The following RFTN1 variants were observed in gnomAD, a reference collection of about 807,000 sequenced individuals.
The protein encoded by RFTN1 is raftlin.
A neutral mutation model predicts 46.5 loss-of-function variants in RFTN1; 26 were observed. The observed-to-expected ratio is 0.56, with a 90% CI of 0.41 to 0.78. RFTN1 has a LOEUF of 0.78. RFTN1 is among the 30% of genes least tolerant of loss of function. The pLI is 0.00. For synonymous variants in RFTN1, 261 were observed against 284.2 expected (o/e 0.92, Z 0.82); for missense variants, 693 against 718.7 (o/e 0.96, Z 0.41).
intron 7 of RFTN1, among the ~76,000 whole-genome samples, chr3:16,354,126 C>T (rs1443719484): frequency 6.6e-6 from 1 of 152,146 alleles, no homozygotes; most frequent in African/African-American, 2.4e-5. Flanking sequence ...CCTTGGAGAA[C>T]AAAGATGAAT....
rs2124901664 is a variant in RFTN1 at position 16,449,478 on chromosome 3, T to A, written c.146-15441A>T. 6.6e-6 allele frequency among the ~76,000 whole-genome samples: 1 copy of A among 152,340 alleles called. No homozygotes were observed. The highest frequency in any genetic ancestry group is 2.1e-4 in the South Asian group (1 of 4,824). ...CATCAGGCTGCTATGAAGATTGAGA[T>A]AATGCACATAAAGTCCTAGAACTGC... On this transcript the variant is annotated intron_variant, in intron 2 of 9. Transcript: ENST00000334133. The surrounding 1 kb of genome is among the most constrained non-coding windows in gnomAD (Gnocchi z 5.1).
At chr3:16,357,320 G>A (rs759698033) in intron 7 of RFTN1, among the ~76,000 whole-genome samples, 14 of 152,136 alleles carry the variant, frequency 9.2e-5, no homozygotes, top group Non-Finnish European at 1.6e-4. Context: ...CTCCTCCAAA[G>A]TCCCAGCAGA....
rs1477292003 is a variant in RFTN1 at position 16,382,551 on chromosome 3, T to G, written c.442-4449A>C. Among the ~76,000 whole-genome samples the G allele has an allele frequency of 6.6e-6, 1 of 152,172 alleles. No individual in the cohort carries two copies. The highest frequency in any genetic ancestry group is 1.9e-4 in the East Asian group (1 of 5,198). Reference sequence around the variant, plus strand: ...GGTGACTTCCTCTACTCACATGGGTTTAGCTACAAATCAGATGTTCATTAT... The same window carrying G: ...GGTGACTTCCTCTACTCACATGGGTGTAGCTACAAATCAGATGTTCATTAT... On this transcript the variant is annotated intron_variant, in intron 4 of 9. Coordinates refer to ENST00000334133, the MANE Select transcript of RFTN1 (RefSeq NM_015150.2). The surrounding 1 kb of genome is among the most constrained non-coding windows in gnomAD (Gnocchi z 4.7).
At position 16,465,979 on chromosome 3, in the gene RFTN1, T is replaced by C. The variant is rs115138944; in HGVS notation, c.145+27746A>G. On this transcript the variant is annotated intron_variant, in intron 2 of 9. Coordinates refer to ENST00000334133, the MANE Select transcript of RFTN1 (RefSeq NM_015150.2). This position sits in a 1 kb window ranked among gnomAD's most constrained non-coding sequence, Gnocchi z 5.1. ...TTGTTTCTCTCAGCGCTTAGATTTC[T>C]CCAGAGGCAGAAAGGCAGAAGCAGA... 8.0e-3 allele frequency among the ~76,000 whole-genome samples: 1,225 copies of C among 152,320 alleles called. 19 individuals carry two copies. Among genetic ancestry groups the C allele is most frequent in the African/African-American group, 0.028 (1,158 of 41,566 alleles).
Position 16,377,867 on chromosome 3 carries a change from C to A in RFTN1, c.677G>T (p.Gly226Val). 6.2e-7 allele frequency: 1 copy of A among 1,614,212 alleles called. No homozygotes were observed. Among genetic ancestry groups the A allele is most frequent in the East Asian group, 2.2e-5 (1 of 44,878 alleles). Residue 226 changes from glycine (G) to valine (V), a missense_variant, in exon 5 of 10, where the codon GGC becomes GTC. By Grantham distance (109) the Gly-to-Val change is moderately radical (BLOSUM62 -3). Coordinates refer to ENST00000334133, the MANE Select transcript of RFTN1 (RefSeq NM_015150.2). Reference protein sequence around the residue: ...GRNQSPEPSSGPRGEVPLAKQ... With the variant: ...GRNQSPEPSSVPRGEVPLAKQ... ...GGCGAGGGGCACCTCCCCTCTGGGG[C>A]CTGAGCTGGGCTCTGGGCTTTGGTT... is the stretch of plus-strand genomic sequence containing the variant.
At chr3:16,399,921 T>C (rs6442600) in intron 4 of RFTN1, among the ~76,000 whole-genome samples, 92,556 of 152,012 alleles carry the variant, frequency 0.61, 28,873 homozygotes, top group African/African-American at 0.75. Flanking sequence ...TCTACATCTC[T>C]GTCAAGACGC....
rs1474147756 is a variant in RFTN1 at position 16,410,137 on chromosome 3, A to G, written c.333-654T>C. 6.6e-6 allele frequency among the ~76,000 whole-genome samples: 1 copy of G among 151,768 alleles called. No individual in the cohort carries two copies. Among genetic ancestry groups the G allele is most frequent in the Non-Finnish European group, 1.5e-5 (1 of 67,960 alleles). On this transcript the variant is annotated intron_variant, in intron 3 of 9. Coordinates refer to ENST00000334133, the MANE Select transcript of RFTN1 (RefSeq NM_015150.2). The surrounding 1 kb of genome is among the most constrained non-coding windows in gnomAD (Gnocchi z 4.6). ...ATATACATATCCACATCATAGTAAG[A>G]CCTCTAAGATGTAGCATCATGTAAA... is the stretch of plus-strand genomic sequence containing the variant.
chr3:16,411,172 G>A (rs773074101), intron 3 of RFTN1, among the ~76,000 whole-genome samples: 6 of 152,120 alleles, frequency 3.9e-5, no homozygotes, highest in Non-Finnish European at 5.9e-5. Context: ...TGTGAGAGCA[G>A]GACTGTCCAG....
intron 3 of RFTN1, chr3:16,416,157 G>A (rs944939433): frequency 2.2e-6 from 1 of 455,458 alleles, no homozygotes; most frequent in African/African-American, 2.0e-5. Context: ...CATTCCAAAG[G>A]AATTTTCTGA....
chr3:16,347,962 C>G (rs542689365), intron 7 of RFTN1: 1 of 152,250 alleles, frequency 6.6e-6, no homozygotes, highest in East Asian at 1.9e-4. Flanking sequence ...AGAAGCAGCC[C>G]AGGAAGGACA....
Position 16,377,938 on chromosome 3 carries a change from A to G in RFTN1, c.606T>C (p.Asn202=). Residue 202 remains asparagine (N), a synonymous_variant, in exon 5 of 10, where the codon AAT becomes AAC. Transcript: ENST00000334133. ...NARGDHASLE[N]EKPGTGDVCS... ...ACACATCCCCAGTCCCCGGTTTCTC[A>G]TTCTCCAGTGACGCGTGATCCCCAC... is the stretch of plus-strand genomic sequence containing the variant. The G allele has an allele frequency of 1.2e-6, 2 of 1,613,886 alleles. No homozygotes were observed. Among genetic ancestry groups the G allele is most frequent in the Non-Finnish European group, 1.7e-6 (2 of 1,179,840 alleles).
intron 2 of RFTN1, among the ~76,000 whole-genome samples, chr3:16,486,573 G>A (rs1326571218): frequency 6.6e-6 from 1 of 152,086 alleles, no homozygotes; most frequent in East Asian, 1.9e-4. Flanking sequence ...TCTTTTGCCT[G>A]ACTAACAGCC....
chr3:16,408,014 G>A (rs1482126070), intron 4 of RFTN1, among the ~76,000 whole-genome samples: 9 of 152,046 alleles, frequency 5.9e-5, no homozygotes, highest in Non-Finnish European at 1.2e-4. Flanking sequence ...TCCTTTAAAG[G>A]GACAGCCTAA....
intron 5 of RFTN1, among the ~76,000 whole-genome samples, chr3:16,377,166 G>A (rs1011100222): frequency 6.6e-6 from 1 of 151,944 alleles, no homozygotes; most frequent in East Asian, 1.9e-4. Flanking sequence ...TAAGGGCCTC[G>A]GCAAATCTTG....
chr3:16,389,483 T>C (rs1559316361), intron 4 of RFTN1, among the ~76,000 whole-genome samples: 1 of 68,060 alleles, frequency 1.5e-5, no homozygotes, highest in African/African-American at 8.6e-5. Flanking sequence ...AAATAGGAGA[T>C]GGGTTTTTTT....
At chr3:16,350,473 C>G (rs1286647663) in intron 7 of RFTN1, among the ~76,000 whole-genome samples, 1 of 149,604 alleles carries the variant, frequency 6.7e-6, no homozygotes, top group Non-Finnish European at 1.5e-5. Flanking sequence ...TTTAAATGAG[C>G]TCAAGCTGAG....
chr3:16,389,050 T>C (rs2074283179), intron 4 of RFTN1, among the ~76,000 whole-genome samples: 1 of 152,208 alleles, frequency 6.6e-6, no homozygotes, highest in Admixed American at 6.6e-5. Context: ...GGAGCAGATG[T>C]TTCTCTTCAC....
chr3:16,472,170 T>C (rs2076211130), intron 2 of RFTN1: 1 of 151,776 alleles, frequency 6.6e-6, no homozygotes. Context: ...GTCACATTTC[T>C]TTGCCTGAAT....
rs1332594744 is a variant in RFTN1 at position 16,400,348 on chromosome 3, T to G, written c.441+9027A>C. Among the ~76,000 whole-genome samples, 2 of 152,146 alleles carry G rather than the reference T, an allele frequency of 1.3e-5. No individual in the cohort carries two copies. Among genetic ancestry groups the G allele is most frequent in the Non-Finnish European group, 2.9e-5 (2 of 68,022 alleles). On this transcript the variant is annotated intron_variant, in intron 4 of 9. Transcript: ENST00000334133. The surrounding 1 kb of genome is among the most constrained non-coding windows in gnomAD (Gnocchi z 4.5). ...CCCTGTTGACCCTCAGGTCTTGGTATGTACACTTCATGGAGCACTCCCCCA... is the reference window on the plus strand; with the variant it reads ...CCCTGTTGACCCTCAGGTCTTGGTAGGTACACTTCATGGAGCACTCCCCCA...
Sources: gnomAD v4.1 joint callset for allele counts (sites outside exome capture counted in the v4.1 genomes callset) on GRCh38, gnomAD v4.1.1 for gene constraint, Gnocchi (gnomAD v3.1) non-coding constraint, MANE v1.5 for transcripts, NCBI Gene and HGNC (gene_info 2026-07-23, HGNC 2026-07-21) for gene names.